PLXDC2: variants seen among roughly 807,000 people sequenced by gnomAD.
PLXDC2 encodes the protein plexin domain containing 2.
A neutral mutation model predicts 68.9 loss-of-function variants in PLXDC2; 40 were observed. The observed-to-expected ratio is 0.58, with a 90% CI of 0.45 to 0.76. The LOEUF is 0.76. Among genes scored for constraint, PLXDC2 ranks in the 30% least tolerant of loss-of-function variants. The pLI is 0.00. For missense variants in PLXDC2, 644 were observed against 661.9 expected, an observed-to-expected ratio of 0.97 and a Z score of 0.30; for synonymous variants, 243 against 234.2, an observed-to-expected ratio of 1.04 and a Z score of -0.34.
At chr10:20,174,658 G>C (rs891039031) in intron 7 of PLXDC2, among the ~76,000 whole-genome samples, 1 of 152,088 alleles carries the variant, frequency 6.6e-6, no homozygotes, top group Non-Finnish European at 1.5e-5. Flanking sequence ...TGGGGGAAGC[G>C]AGGAGGGAAA....
chr10:20,171,738 T>C (rs1834449014), intron 7 of PLXDC2, among the ~76,000 whole-genome samples: 1 of 151,998 alleles, frequency 6.6e-6, no homozygotes, highest in Admixed American at 6.6e-5. Flanking sequence ...TTAAATTCTT[T>C]CTTTTATTTC....
At chr10:20,161,167 T>C (rs1834285683) in intron 6 of PLXDC2, among the ~76,000 whole-genome samples, 1 of 150,082 alleles carries the variant, frequency 6.7e-6, no homozygotes. Flanking sequence ...CAACTCCATT[T>C]CTTATTTCTC....
rs1472393521 is a variant in PLXDC2, at chr10:20,068,232, A to G, written c.534A>G (p.Ala178=). 6 of 1,611,696 alleles carry G rather than the reference A, an allele frequency of 3.7e-6. No individual in the cohort carries two copies. The East Asian group carries it at 1.3e-4, about 36-fold the overall frequency. ...YGHFLREITV[A]TGGFIYTGEV... ...ACTTCCTACGTGAAATCACTGTGGC[A>G]ACCGGGGGTAAGTGGTTTTCTACCC... Residue 178 remains alanine (A), a synonymous_variant, in exon 4 of 14, where the codon GCA becomes GCG. Coordinates refer to ENST00000377252, the MANE Select transcript of PLXDC2 (RefSeq NM_032812.9).
chr10:20,126,352 C>CAT lies in PLXDC2; in HGVS notation c.542-16940_542-16939dup, dbSNP rs1402557896. Among the ~76,000 whole-genome samples, 34 of 140,410 alleles carry CAT rather than the reference C, an allele frequency of 2.4e-4. 2 individuals carry two copies. Among genetic ancestry groups the CAT allele is most frequent in the African/African-American group, 9.1e-4 (32 of 35,306 alleles). 92.1% of individuals were successfully genotyped at this position (140,410 alleles called of 152,430 possible). On this transcript the variant is annotated intron_variant, in intron 4 of 13. Coordinates refer to ENST00000377252, the MANE Select transcript of PLXDC2 (RefSeq NM_032812.9). Reference sequence around the variant, plus strand: ...ATATACGTTATATAATACATATATACATATGTGTTATATAATACATATATA... The same window carrying CAT: ...ATATACGTTATATAATACATATATACATATATGTGTTATATAATACATATATA...
chr10:19,841,569 T>C (rs1374457650), intron 1 of PLXDC2, among the ~76,000 whole-genome samples: 4 of 150,410 alleles, frequency 2.7e-5, no homozygotes, highest in Admixed American at 1.3e-4. Flanking sequence ...GTGTTGCCTA[T>C]CTGTCTATCT....
In PLXDC2 at chr10:19,885,577, G is replaced by A. The variant is rs1012417298; in HGVS notation, c.112+68386G>A. Among the ~76,000 whole-genome samples, 15 of 152,098 alleles carry A rather than the reference G, an allele frequency of 9.9e-5. No individual in the cohort carries two copies. The East Asian group carries it at 1.5e-3, about 16-fold the overall frequency. ...AGTTTCAGCTTTCTACATATGGCTA[G>A]CCAGTTTTCCCAGCACCGTTTATTA... On this transcript the variant is annotated intron_variant, in intron 1 of 13. Transcript: ENST00000377252.
chr10:19,895,343 T>C (rs1482739077), intron 1 of PLXDC2, among the ~76,000 whole-genome samples: 1 of 152,138 alleles, frequency 6.6e-6, no homozygotes, highest in African/African-American at 2.4e-5. Flanking sequence ...TCCAGCAAAA[T>C]GGTCCAATAG....
chr10:19,828,469 A>G (rs941876378), intron 1 of PLXDC2, among the ~76,000 whole-genome samples: 2 of 152,236 alleles, frequency 1.3e-5, no homozygotes, highest in Non-Finnish European at 2.9e-5. Context: ...ATGACTGGCT[A>G]CGGCTCTGAA....
intron 5 of PLXDC2, among the ~76,000 whole-genome samples, chr10:20,145,837 G>C (rs1834069449): frequency 6.6e-6 from 1 of 152,108 alleles, no homozygotes; most frequent in South Asian, 2.1e-4. Context: ...ACAGTTGTGA[G>C]CCACCGCACC....
At chr10:20,009,977 T>G (rs1299163418) in intron 2 of PLXDC2, among the ~76,000 whole-genome samples, 3 of 152,014 alleles carry the variant, frequency 2.0e-5, no homozygotes, top group African/African-American at 4.8e-5. Context: ...TGGTGTGACA[T>G]GAGATAGTGG....
At chr10:20,148,834 T>A (rs1218962620) in intron 6 of PLXDC2, among the ~76,000 whole-genome samples, 3 of 152,194 alleles carry the variant, frequency 2.0e-5, no homozygotes, top group Non-Finnish European at 2.9e-5. Flanking sequence ...ATGTTGAGGA[T>A]AAAGAAAGAA....
intron 13 of PLXDC2, among the ~76,000 whole-genome samples, chr10:20,251,284 T>A (rs1277170168): frequency 6.6e-6 from 1 of 152,214 alleles, no homozygotes; most frequent in African/African-American, 2.4e-5. Flanking sequence ...TTGTCTGATT[T>A]TGGTGAAAAT....
chr10:20,166,650 G>A (rs1047922439), intron 7 of PLXDC2, among the ~76,000 whole-genome samples: 31 of 151,616 alleles, frequency 2.0e-4, no homozygotes, highest in Admixed American at 1.4e-3. Context: ...AATTATTTGC[G>A]GCTTACTCAG....
chr10:20,271,353 G>C (rs1459790472), intron 13 of PLXDC2, among the ~76,000 whole-genome samples: 1 of 152,110 alleles, frequency 6.6e-6, no homozygotes, highest in Non-Finnish European at 1.5e-5. Flanking sequence ...GTGAAAAATG[G>C]TTTTGTACCA....
At chr10:20,014,982 T>A (rs1387780706) in intron 2 of PLXDC2, among the ~76,000 whole-genome samples, 1 of 152,248 alleles carries the variant, frequency 6.6e-6, no homozygotes, top group African/African-American at 2.4e-5. Flanking sequence ...TTCTATTGAC[T>A]TTTTAAATGT....
At chr10:20,211,571 G>A (rs1835069802) in intron 9 of PLXDC2, 98 bp from the exon 10 acceptor site, 2 of 1,005,564 alleles carry the variant, frequency 2.0e-6, no homozygotes, top group Non-Finnish European at 1.5e-6. Flanking sequence ...CTGAAAATGT[G>A]AGAATGAACT....
At chr10:20,016,960 T>C (rs765651124) in intron 2 of PLXDC2, among the ~76,000 whole-genome samples, 6 of 152,246 alleles carry the variant, frequency 3.9e-5, no homozygotes, top group Admixed American at 6.5e-5. Context: ...GCAGCTTCTG[T>C]TCCACATTGG....
At chr10:19,922,355 T>TTA (rs1452135111) in intron 1 of PLXDC2, among the ~76,000 whole-genome samples, 2 of 152,310 alleles carry the variant, frequency 1.3e-5, no homozygotes, top group East Asian at 3.9e-4. Flanking sequence ...GAGGGTAGGG[T>TTA]TATGTGTGTG....
chr10:19,953,842 A>G (rs918623970), intron 1 of PLXDC2, among the ~76,000 whole-genome samples: 4 of 151,540 alleles, frequency 2.6e-5, no homozygotes, highest in Non-Finnish European at 5.9e-5. Flanking sequence ...TTTTTCTTTT[A>G]AATATGACAG....
Sources: gnomAD v4.1 joint callset for allele counts (sites outside exome capture counted in the v4.1 genomes callset) on GRCh38, gnomAD v4.1.1 for gene constraint, MANE v1.5 for transcripts, NCBI Gene and HGNC (gene_info 2026-07-23, HGNC 2026-07-21) for gene names.